HDLBP: variants seen among roughly 807,000 people sequenced by gnomAD.
HDLBP encodes vigilin.
HDLBP carries 30 observed loss-of-function variants against 137.3 expected under a neutral mutation model. That is an observed-to-expected ratio of 0.22 (90% CI 0.16 to 0.30). HDLBP has a LOEUF of 0.30. HDLBP is among the 10% of genes least tolerant of loss of function. The probability of loss-of-function intolerance (pLI) is 1.00; values close to 1 mark genes in which losing one functional copy is unlikely to be tolerated. For synonymous variants in HDLBP, 606 were observed against 596.0 expected (o/e 1.02, Z -0.24); for missense variants, 1,119 against 1,667.3 (o/e 0.67, Z 5.73).
chr2:241,304,438 G>C (rs2075501435), intron 1 of HDLBP, among the ~76,000 whole-genome samples: 1 of 152,186 alleles, frequency 6.6e-6, no homozygotes, highest in South Asian at 2.1e-4. Flanking sequence ...AACCCAGCAA[G>C]AGTCTAGACT....
chr2:241,309,176 C>G (rs1012901095), intron 1 of HDLBP, among the ~76,000 whole-genome samples: 1 of 152,194 alleles, frequency 6.6e-6, no homozygotes, highest in African/African-American at 2.4e-5. Context: ...ACTCCACTCC[C>G]CTCGATACTT....
At chr2:241,286,345 T>C (rs2074808361) in intron 1 of HDLBP, among the ~76,000 whole-genome samples, 1 of 152,182 alleles carries the variant, frequency 6.6e-6, no homozygotes, top group African/African-American at 2.4e-5. Context: ...GGGAACTGCT[T>C]AGGGCCAACG....
At position 241,249,538 on chromosome 2, in the gene HDLBP, G is replaced by A. The variant is rs958277100; in HGVS notation, c.1512+303C>T. ...TGCCTTTGAGAATCCAGAAATGTCTGTCACAATCTCTGGAGATGGTACCCA... is the reference window on the plus strand; with the variant it reads ...TGCCTTTGAGAATCCAGAAATGTCTATCACAATCTCTGGAGATGGTACCCA... On this transcript the variant is annotated intron_variant, in intron 12 of 27. Coordinates refer to ENST00000310931, the MANE Select transcript of HDLBP (RefSeq NM_005336.6). The A allele has an allele frequency of 2.7e-5, 15 of 549,608 alleles. No homozygotes were observed. In the African/African-American group the frequency reaches 2.8e-4, roughly 10 times the overall value. The allele number at this position is 549,608 out of a possible 1,614,324, so 34.0% of individuals were successfully genotyped here.
intron 23 of HDLBP, among the ~76,000 whole-genome samples, chr2:241,234,631 CCTGCCAGAGGCTGGGCGTCTGCAGCG>C (rs1373609383): frequency 2.6e-5 from 4 of 152,224 alleles, no homozygotes; most frequent in African/African-American, 9.6e-5. Flanking sequence ...AAATGTCAGC[CCTGCCAGAGGCTGGGCGTCTGCAGCG>C]CTCCGCTCAT....
chr2:241,236,218 C>CAGGTGGCA (rs2070408986), intron 21 of HDLBP: 1 of 253,328 alleles, frequency 3.9e-6, no homozygotes, highest in Non-Finnish European at 7.6e-6. Flanking sequence ...ATCCAGTACG[C>CAGGTGGCA]AGGTGGCACT....
chr2:241,306,224 TA>T (rs559366588), intron 1 of HDLBP, among the ~76,000 whole-genome samples: 107 of 145,624 alleles, frequency 7.3e-4, no homozygotes, highest in Non-Finnish European at 9.7e-4. Context: ...GGCATCTGTT[TA>T]AAAAAAAAAA....
intron 1 of HDLBP, among the ~76,000 whole-genome samples, chr2:241,302,088 C>G (rs79705707): frequency 1.7e-5 from 2 of 118,814 alleles, no homozygotes; most frequent in African/African-American, 6.0e-5. Flanking sequence ...CCCATCTCTA[C>G]AAAAAAAAAA....
chr2:241,239,724 A>G lies in HDLBP; in HGVS notation c.2488T>C (p.Tyr830His), dbSNP rs1366543397. 1.9e-6 allele frequency: 3 copies of G among 1,613,732 alleles called. No homozygotes were observed. Among genetic ancestry groups the G allele is most frequent in the Non-Finnish European group, 2.5e-6 (3 of 1,179,982 alleles). The change falls in exon 19 of 28, where the codon TAT (tyrosine) becomes CAT (histidine). Residue 830 changes from tyrosine to histidine, a missense_variant. Coordinates refer to ENST00000310931, the MANE Select transcript of HDLBP (RefSeq NM_005336.6). The surrounding 1 kb of genome is among the most constrained non-coding windows in gnomAD (Gnocchi z 4.6). ...GQVLREIAEE[Y>H]GGVMVSFPRS... ...GGGAAGCTGACCATCACCCCGCCAT[A>G]CTCTTCAGCAATCTCCCGCAAGACC...
intron 21 of HDLBP, 46 bp from the exon 22 acceptor site, chr2:241,235,640 AGTGAC>A: frequency 7.2e-7 from 1 of 1,385,152 alleles, no homozygotes; most frequent in Admixed American, 1.7e-5. Context: ...CTGAGAGCAG[AGTGAC>A]GTTGTAAGCT....
intron 1 of HDLBP, among the ~76,000 whole-genome samples, chr2:241,290,214 C>G (rs1222615714): frequency 1.3e-5 from 2 of 151,968 alleles, no homozygotes; most frequent in East Asian, 3.9e-4. Context: ...CAGAAAGAAA[C>G]AAGAAGAAAA....
Position 241,262,848 on chromosome 2 carries a change from G to C in HDLBP, c.313C>G (p.Leu105Val), listed in dbSNP as rs140608605. The stretch of plus-strand genomic sequence containing the variant: ...GCACCAGTTCTCTGCATGATCTCAA[G>C]GCAGATTTTTGCTTGTTCACCTTCT... Reference protein sequence around the residue: ...FGEGEQAKICLEIMQRTGAHL... With the variant: ...FGEGEQAKICVEIMQRTGAHL... The change falls in exon 5 of 28, where the codon CTT (leucine) becomes GTT (valine). Residue 105 changes from leucine to valine, a missense_variant. Physicochemically the swap from Leu to Val is conservative, Grantham distance 32. Transcript: ENST00000310931. 6.2e-7 allele frequency: 1 copy of C among 1,614,008 alleles called. No individual in the cohort carries two copies. Among genetic ancestry groups the C allele is most frequent in the African/African-American group, 1.3e-5 (1 of 74,912 alleles).
intron 11 of HDLBP, 22 bp from the exon 12 acceptor site, chr2:241,250,002 A>G (rs771108199): frequency 2.1e-5 from 33 of 1,586,954 alleles, no homozygotes; most frequent in Non-Finnish European, 2.8e-5. Context: ...AAAAGGAAAC[A>G]CATTTAGGAC....
rs1266495512 is a variant in HDLBP, at chr2:241,272,008, G to A, written c.-102-3467C>T. 1 of 184,796 alleles carries A rather than the reference G, an allele frequency of 5.4e-6. No individual in the cohort carries two copies. 11.4% of individuals were successfully genotyped at this position (184,796 alleles called of 1,614,324 possible). ...CTCCCACAGGCCACGAGGGCCCGCG[G>A]GCGGGGACAGGCTTAAAGGGACAGC... On this transcript the variant is annotated intron_variant, in intron 1 of 27. Coordinates refer to ENST00000310931, the MANE Select transcript of HDLBP (RefSeq NM_005336.6). This position sits in a 1 kb window ranked among gnomAD's most constrained non-coding sequence, Gnocchi z 5.6.
In HDLBP at chr2:241,238,427, T is replaced by C; in HGVS notation, c.2749+222A>G. The stretch of plus-strand genomic sequence containing the variant: ...GCCTTGGGACTGGCTACCTTGTGTG[T>C]CTCTAGGACCTATGAAGGTCACCTG... On this transcript the variant is annotated intron_variant, in intron 20 of 27. Coordinates refer to ENST00000310931, the MANE Select transcript of HDLBP (RefSeq NM_005336.6). The surrounding 1 kb of genome is among the most constrained non-coding windows in gnomAD (Gnocchi z 4.9). 2.6e-6 allele frequency: 1 copy of C among 378,406 alleles called. No individual in the cohort carries two copies. Among genetic ancestry groups the C allele is most frequent in the Non-Finnish European group, 4.7e-6 (1 of 212,624 alleles). The allele number at this position is 378,406 out of a possible 1,614,324, so 23.4% of individuals were successfully genotyped here.
At position 241,242,467 on chromosome 2, in the gene HDLBP, T is replaced by C. The variant is rs769186742; in HGVS notation, c.2162A>G (p.Glu721Gly). 2 of 1,613,672 alleles carry C rather than the reference T, an allele frequency of 1.2e-6. No homozygotes were observed. The highest frequency in any genetic ancestry group is 1.7e-6 in the Non-Finnish European group (2 of 1,179,698). Reference sequence around the variant, plus strand: ...CTCCCTCCCCATGCTCACCTTCTCCTCCGCCAGATGCAGGAGCTGCTTCTT... The same window carrying C: ...CTCCCTCCCCATGCTCACCTTCTCCCCCGCCAGATGCAGGAGCTGCTTCTT... ...KAKKQLLHLA[E>G]EKQTKSFTVD... The change falls in exon 17 of 28, where the codon GAG becomes GGG. Residue 721 changes from glutamate to glycine, a missense_variant. By Grantham distance (98) the Glu-to-Gly change is moderately conservative (BLOSUM62 -2). This residue lies in a region of HDLBP where 618 missense variants were observed against 816.7 expected (regional missense o/e 0.76). Coordinates refer to ENST00000310931, the MANE Select transcript of HDLBP (RefSeq NM_005336.6).
At chr2:241,256,113 A>T in intron 7 of HDLBP, 71 bp downstream of exon 7, 1 of 1,312,256 alleles carries the variant, frequency 7.6e-7, no homozygotes, top group Non-Finnish European at 1.1e-6. Flanking sequence ...CCAGGCCTTA[A>T]CTGAATCTCC....
chr2:241,301,069 T>C (rs1252722293), intron 1 of HDLBP, among the ~76,000 whole-genome samples: 1 of 151,302 alleles, frequency 6.6e-6, no homozygotes, highest in East Asian at 1.9e-4. Context: ...CTCCGCCTCC[T>C]GGGTTCATGC....
At chr2:241,247,490 C>T (rs536846549) in intron 14 of HDLBP, 1 of 326,790 alleles carries the variant, frequency 3.1e-6, no homozygotes, top group South Asian at 3.6e-5. Context: ...GACAGCAGCT[C>T]ACAGTGCTGG....
At chr2:241,242,206 A>G (rs1051644535) in intron 17 of HDLBP, among the ~76,000 whole-genome samples, 2 of 152,242 alleles carry the variant, frequency 1.3e-5, no homozygotes, top group African/African-American at 4.8e-5. Context: ...ACTGTAAATC[A>G]TATTTAAAAA....
Sources: gnomAD v4.1 joint callset for allele counts (sites outside exome capture counted in the v4.1 genomes callset) on GRCh38, gnomAD v4.1.1 for gene constraint, gnomAD v4.1.1 regional missense constraint, Gnocchi (gnomAD v3.1) non-coding constraint, MANE v1.5 for transcripts, NCBI Gene and HGNC (gene_info 2026-07-23, HGNC 2026-07-21) for gene names.